Variants in VKORC1L1 observed in about 807,000 individuals in gnomAD.
The protein encoded by VKORC1L1 is vitamin K epoxide reductase complex subunit 1-like protein 1.
Under a neutral mutation model 18.9 loss-of-function variants are expected in VKORC1L1, and 2 were observed. The observed-to-expected ratio is 0.11, with a 90% confidence interval of 0.04 to 0.33. VKORC1L1 has a LOEUF of 0.33. Ranked by LOEUF, VKORC1L1 falls within the 10% of genes least tolerant of loss-of-function variation. VKORC1L1 has a pLI of 1.00. For missense variants in VKORC1L1, 123 were observed against 224.1 expected (o/e 0.55, Z 2.88); for synonymous variants, 96 against 100.0 (o/e 0.96, Z 0.24).
In VKORC1L1 at chr7:65,955,935, A is replaced by T. The variant is rs1224859115; in HGVS notation, c.*1635A>T. 3 of 152,246 alleles carry T rather than the reference A, an allele frequency of 2.0e-5. No homozygotes were observed. Among genetic ancestry groups the T allele is most frequent in the African/African-American group, 7.2e-5 (3 of 41,466 alleles). The allele number at this position is 152,246 out of a possible 1,614,324, so 9.4% of individuals were successfully genotyped here. On this transcript the variant is annotated 3_prime_UTR_variant, in exon 3 of 3. Transcript: ENST00000360768. ...AGTCAGCAACAATTCCGTAGCTTCCAACTGACTCAGAATTGATGCAACGTA... is the reference window on the plus strand; with the variant it reads ...AGTCAGCAACAATTCCGTAGCTTCCTACTGACTCAGAATTGATGCAACGTA...
At chr7:65,883,166 G>C (rs949456217) in intron 1 of VKORC1L1, among the ~76,000 whole-genome samples, 13 of 141,804 alleles carry the variant, frequency 9.2e-5, no homozygotes, top group Admixed American at 3.6e-4. Flanking sequence ...TTTGGAGATG[G>C]AGTCTCACTC....
upstream of VKORC1L1, among the ~76,000 whole-genome samples, chr7:65,871,717 A>T (rs1319739575): frequency 1.3e-5 from 2 of 152,158 alleles, no homozygotes; most frequent in African/African-American, 4.8e-5. Flanking sequence ...AGAGGACCTC[A>T]GGCCTGCCAG....
chr7:65,934,562 A>T (rs1459903940), intron 1 of VKORC1L1, among the ~76,000 whole-genome samples: 1 of 151,878 alleles, frequency 6.6e-6, no homozygotes, highest in Non-Finnish European at 1.5e-5. Context: ...CTCTATAACC[A>T]CCATTCTACT....
At chr7:65,938,272 C>G (rs1481625343) in intron 1 of VKORC1L1, among the ~76,000 whole-genome samples, 1 of 151,848 alleles carries the variant, frequency 6.6e-6, no homozygotes, top group East Asian at 1.9e-4. Flanking sequence ...TAATCAGAGA[C>G]TAAGAGAGAA....
intron 1 of VKORC1L1, among the ~76,000 whole-genome samples, chr7:65,907,911 A>T (rs557918912): frequency 9.9e-5 from 15 of 151,982 alleles, no homozygotes; most frequent in Non-Finnish European, 2.1e-4. Context: ...ATCAAAGACA[A>T]CAGTTTCAAT....
upstream of VKORC1L1, among the ~76,000 whole-genome samples, chr7:65,871,977 A>G (rs1452082048): frequency 1.3e-5 from 2 of 152,262 alleles, no homozygotes; most frequent in African/African-American, 4.8e-5. Context: ...AAATCACTAT[A>G]TAAAGCCCCT....
In VKORC1L1 at chr7:65,959,403, A is replaced by G. The variant is rs1279547152; in HGVS notation, c.*5103A>G. The G allele has an allele frequency of 1.3e-5, 2 of 152,244 alleles. No homozygotes were observed. Among genetic ancestry groups the G allele is most frequent in the African/African-American group, 4.8e-5 (2 of 41,466 alleles). 9.4% of individuals were successfully genotyped at this position (152,244 alleles called of 1,614,324 possible). A position where few individuals can be genotyped will look rare whatever the true frequency, so the allele number is the denominator to read the frequency against. ...TGTTTGTCAACTAAAAGTTTTATTC[A>G]TTATACTTTGACATACTGGAACACA... On this transcript the variant is annotated 3_prime_UTR_variant, in exon 3 of 3. Transcript: ENST00000360768.
At position 65,938,001 on chromosome 7, in the gene VKORC1L1, AGTTCGAGACCATCCTTGCCAACATG is replaced by A. The variant is rs372891655; in HGVS notation, c.195-10667_195-10643del. On this transcript the variant is annotated intron_variant, in intron 1 of 2. Coordinates refer to ENST00000360768, the MANE Select transcript of VKORC1L1 (RefSeq NM_173517.6). ...GGTGAGTGGACCATTTGAGGTCAGGAGTTCGAGACCATCCTTGCCAACATGGTGAAACCCCGTCTCTACTGAAAAT... is the reference window on the plus strand; with the variant it reads ...GGTGAGTGGACCATTTGAGGTCAGGAGTGAAACCCCGTCTCTACTGAAAAT... 3.2e-3 allele frequency among the ~76,000 whole-genome samples: 486 copies of A among 152,280 alleles called. 2 individuals are homozygous for A. Among genetic ancestry groups the A allele is most frequent in the African/African-American group, 0.01 (436 of 41,556 alleles).
At chr7:65,894,382 TAC>T (rs1789157492) in intron 1 of VKORC1L1, among the ~76,000 whole-genome samples, 1 of 152,192 alleles carries the variant, frequency 6.6e-6, no homozygotes, top group Non-Finnish European at 1.5e-5. Context: ...TCAATTTTGT[TAC>T]ACAATTTTGT....
At chr7:65,882,481 T>C (rs1173028880) in intron 1 of VKORC1L1, among the ~76,000 whole-genome samples, 1 of 150,508 alleles carries the variant, frequency 6.6e-6, no homozygotes, top group African/African-American at 2.4e-5. Flanking sequence ...AAAATGTAAA[T>C]TATCTATAAT....
In VKORC1L1 at chr7:65,954,370, TTA is replaced by T; in HGVS notation, c.*72_*73del. The T allele has an allele frequency of 6.8e-7, 1 of 1,469,750 alleles. No homozygotes were observed. The allele number at this position is 1,469,750 out of a possible 1,614,324, so 91.0% of individuals were successfully genotyped here. On this transcript the variant is annotated 3_prime_UTR_variant, in exon 3 of 3. Transcript: ENST00000360768. ...CAGTTTATTTTGCAGCAGGTTTTTA[TTA>T]TTATTATTATTATTATTATTCACAA... is the stretch of plus-strand genomic sequence containing the variant.
At chr7:65,895,917 G>A (rs1407881628) in intron 1 of VKORC1L1, among the ~76,000 whole-genome samples, 1 of 36,668 alleles carries the variant, frequency 2.7e-5, no homozygotes, top group South Asian at 9.2e-4. Flanking sequence ...TTTTTTTTTT[G>A]AGACAGAGTC....
intron 2 of VKORC1L1, among the ~76,000 whole-genome samples, chr7:65,951,558 A>T (rs1429307009): frequency 6.6e-6 from 1 of 150,892 alleles, no homozygotes; most frequent in Non-Finnish European, 1.5e-5. Flanking sequence ...TCGGTGACAG[A>T]GCGAGACTCC....
At chr7:65,869,291 G>A (rs75637224), upstream of VKORC1L1, among the ~76,000 whole-genome samples, 16 of 151,998 alleles carry the variant, frequency 1.1e-4, no homozygotes, top group East Asian at 1.2e-3. Flanking sequence ...TCCAGCCTGC[G>A]TGACAGAGCT....
intron 1 of VKORC1L1, among the ~76,000 whole-genome samples, chr7:65,910,873 G>T (rs1789491549): frequency 1.3e-5 from 2 of 152,242 alleles, no homozygotes; most frequent in Non-Finnish European, 2.9e-5. Flanking sequence ...CTGATCATCT[G>T]CTTCTATTAG....
At chr7:65,892,700 A>AGAT (rs908241988) in intron 1 of VKORC1L1, among the ~76,000 whole-genome samples, 1 of 152,112 alleles carries the variant, frequency 6.6e-6, no homozygotes, top group Non-Finnish European at 1.5e-5. Flanking sequence ...GATGACATGA[A>AGAT]GATGATGATG....
At chr7:65,877,965 A>G (rs974073996) in intron 1 of VKORC1L1, among the ~76,000 whole-genome samples, 3 of 152,126 alleles carry the variant, frequency 2.0e-5, no homozygotes, top group African/African-American at 7.2e-5. Flanking sequence ...GTTGAAAAAG[A>G]TCCACGTATA....
At chr7:65,888,591 C>A (rs904900304) in intron 1 of VKORC1L1, among the ~76,000 whole-genome samples, 1 of 152,134 alleles carries the variant, frequency 6.6e-6, no homozygotes, top group African/African-American at 2.4e-5. Context: ...CCTCTTCTAC[C>A]GAAGCTGCAG....
At chr7:65,903,290 C>A (rs1030810041) in intron 1 of VKORC1L1, among the ~76,000 whole-genome samples, 6 of 151,960 alleles carry the variant, frequency 3.9e-5, no homozygotes, top group Non-Finnish European at 7.4e-5. Flanking sequence ...CCTCAGCCTC[C>A]CAAGTAGCTG....
Sources: allele counts gnomAD v4.1 joint callset (sites outside exome capture counted in the v4.1 genomes callset), GRCh38; gene constraint gnomAD v4.1.1; transcripts MANE v1.5; gene names NCBI Gene and HGNC (gene_info 2026-07-23, HGNC 2026-07-21).